Variants in MS4A8 observed in about 807,000 individuals in gnomAD.
MS4A8 encodes the protein membrane-spanning 4-domains subfamily A member 8.
Under a neutral mutation model 23.7 loss-of-function variants are expected in MS4A8, and 27 were observed. The ratio of observed to expected loss-of-function variants is 1.14; its 90% CI spans 0.84 to 1.57. The LOEUF is 1.57. Among genes scored for constraint, MS4A8 ranks in the 40% most tolerant of loss-of-function variants. The pLI is 0.00. For missense variants in MS4A8, 301 were observed against 311.4 expected, an observed-to-expected ratio of 0.97 and a Z score of 0.25; for synonymous variants, 138 against 126.3, an observed-to-expected ratio of 1.09 and a Z score of -0.62.
At position 60,701,133 on chromosome 11, in the gene MS4A8, G is replaced by A. The variant is rs1051879342; in HGVS notation, c.219+54G>A. The A allele has an allele frequency of 3.9e-6, 6 of 1,534,434 alleles. No homozygotes were observed. In the Admixed American group the frequency reaches 5.2e-5, roughly 13 times the overall value. ...AGACTGCACAGCTGGAGTGATGGCAGGGGGAAGGGAAGGCCTGGGAAATAC... is the reference window on the plus strand; with the variant it reads ...AGACTGCACAGCTGGAGTGATGGCAAGGGGAAGGGAAGGCCTGGGAAATAC... On this transcript the variant is annotated intron_variant, in intron 2 of 6. Transcript: ENST00000300226.
At chr11:60,701,391 C>T in intron 2 of MS4A8, 1 of 495,652 alleles carries the variant, frequency 2.0e-6, no homozygotes, top group South Asian at 1.6e-5. Flanking sequence ...AAAGGGGTCC[C>T]AGCAAGACCA....
intron 2 of MS4A8, chr11:60,701,373 C>T: frequency 1.9e-6 from 1 of 529,794 alleles, no homozygotes; most frequent in Non-Finnish European, 3.6e-6. Flanking sequence ...GCCCTGTGGC[C>T]TCTGAAGAAA....
intron 5 of MS4A8, among the ~76,000 whole-genome samples, chr11:60,709,760 AT>A (rs1565053151): frequency 6.6e-6 from 1 of 152,086 alleles, no homozygotes; most frequent in Non-Finnish European, 1.5e-5. Flanking sequence ...TCTCCTCTAC[AT>A]CATCAGTCTT....
Position 60,706,985 on chromosome 11 carries a change from C to G in MS4A8, c.343-3C>G. 1 of 1,613,984 alleles carries G rather than the reference C, an allele frequency of 6.2e-7. No homozygotes were observed. The highest frequency in any genetic ancestry group is 8.5e-7 in the Non-Finnish European group (1 of 1,179,866). ...TTTCTAAACCCACTCTGTTCTGTAC[C>G]AGTTTATCATTTCAGGATCTCTCTC... is the stretch of plus-strand genomic sequence containing the variant. On this transcript the variant is annotated splice_region_variant and splice_polypyrimidine_tract_variant and intron_variant, in intron 3 of 6. Transcript: ENST00000300226.
At position 60,706,979 on chromosome 11, in the gene MS4A8, C is replaced by G. The variant is rs765526977; in HGVS notation, c.343-9C>G. On this transcript the variant is annotated splice_polypyrimidine_tract_variant and intron_variant, in intron 3 of 6. Transcript: ENST00000300226. The stretch of plus-strand genomic sequence containing the variant: ...GACCTCTTTCTAAACCCACTCTGTT[C>G]TGTACCAGTTTATCATTTCAGGATC... 1.2e-6 allele frequency: 2 copies of G among 1,613,816 alleles called. No individual in the cohort carries two copies. The highest frequency in any genetic ancestry group is 1.7e-6 in the Non-Finnish European group (2 of 1,179,820).
chr11:60,708,394 G>T (rs1283951790), intron 4 of MS4A8, among the ~76,000 whole-genome samples: 1 of 152,086 alleles, frequency 6.6e-6, no homozygotes, highest in East Asian at 1.9e-4. Flanking sequence ...AGGGTTCCTG[G>T]GATTCACATT....
intron 5 of MS4A8, among the ~76,000 whole-genome samples, chr11:60,710,816 C>A (rs929605608): frequency 6.6e-6 from 1 of 152,200 alleles, no homozygotes; most frequent in Non-Finnish European, 1.5e-5. Flanking sequence ...TGCTGAACCA[C>A]GGGAACCTCC....
chr11:60,701,086 G>A lies in MS4A8; in HGVS notation c.219+7G>A, dbSNP rs369148075. 302 of 1,613,246 alleles carry A rather than the reference G, an allele frequency of 1.9e-4. No individual in the cohort carries two copies. The African/African-American group carries it at 3.4e-3, about 18-fold the overall frequency. On this transcript the variant is annotated splice_region_variant and intron_variant, in intron 2 of 6. Transcript: ENST00000300226. ...AGAAGGCAAAACCTTGGGGGTAAGT[G>A]AGATTTCCCTTTGCAGGCCACAGAC...
At chr11:60,706,571 T>C (rs967104278) in intron 3 of MS4A8, among the ~76,000 whole-genome samples, 1 of 152,194 alleles carries the variant, frequency 6.6e-6, no homozygotes, top group African/African-American at 2.4e-5. Flanking sequence ...TAGGGTGTAC[T>C]TGTGGGAAAA....
chr11:60,705,040 G>C, intron 3 of MS4A8, among the ~76,000 whole-genome samples: 1 of 152,044 alleles, frequency 6.6e-6, no homozygotes, highest in East Asian at 1.9e-4. Flanking sequence ...GAGTAACCTA[G>C]GTGCCAGCCC....
intron 5 of MS4A8, among the ~76,000 whole-genome samples, chr11:60,714,718 C>T (rs1340150429): frequency 6.6e-6 from 1 of 152,102 alleles, no homozygotes; most frequent in Non-Finnish European, 1.5e-5. Flanking sequence ...GTCACTGCTC[C>T]CCTCTCTGAC....
At chr11:60,707,786 G>C (rs1052179856) in intron 4 of MS4A8, among the ~76,000 whole-genome samples, 2 of 148,128 alleles carry the variant, frequency 1.4e-5, no homozygotes, top group African/African-American at 2.5e-5. Context: ...GTTTCCCAGA[G>C]ATTATTCTTT....
At position 60,703,521 on chromosome 11, in the gene MS4A8, T is replaced by C. The variant is rs529859196; in HGVS notation, c.342+21T>C. ...TGTGGGTGAGTAACTCAAGTCCTCC[T>C]GCCGATGAGCTCCCAGAAGGTGCCA... is the stretch of plus-strand genomic sequence containing the variant. On this transcript the variant is annotated intron_variant, in intron 3 of 6. Transcript: ENST00000300226. 15 of 1,604,960 alleles carry C rather than the reference T, an allele frequency of 9.3e-6. No homozygotes were observed. The South Asian group carries it at 1.7e-4, about 18-fold the overall frequency.
At chr11:60,706,005 G>T (rs549647697) in intron 3 of MS4A8, among the ~76,000 whole-genome samples, 1 of 152,298 alleles carries the variant, frequency 6.6e-6, no homozygotes, top group African/African-American at 2.4e-5. Flanking sequence ...TTCATCTGTT[G>T]GGGGGAGGGC....
At chr11:60,701,294 A>G (rs1452548952) in intron 2 of MS4A8, 2 of 672,006 alleles carry the variant, frequency 3.0e-6, no homozygotes, top group Admixed American at 2.0e-5. Flanking sequence ...GCATTTTCGG[A>G]AAGAGAAAGA....
intron 3 of MS4A8, 31 bp downstream of exon 3, chr11:60,703,531 C>T (rs2134654887): frequency 1.9e-6 from 3 of 1,602,912 alleles, no homozygotes. Flanking sequence ...TGCCGATGAG[C>T]TCCCAGAAGG....
intron 5 of MS4A8, among the ~76,000 whole-genome samples, chr11:60,709,397 A>C (rs1397118121): frequency 3.3e-5 from 5 of 151,306 alleles, no homozygotes; most frequent in African/African-American, 1.2e-4. Context: ...AAAGAGAGAG[A>C]GAGTGAAAGC....
At chr11:60,707,771 CAAGT>C (rs2088268711) in intron 4 of MS4A8, among the ~76,000 whole-genome samples, 1 of 149,598 alleles carries the variant, frequency 6.7e-6, no homozygotes, top group African/African-American at 2.5e-5. Flanking sequence ...ACAAATAGGT[CAAGT>C]GTTTCCCAGA....
In MS4A8 at chr11:60,700,881, AG is replaced by A. The variant is rs1565050369; in HGVS notation, c.22del (p.Val8PhefsTer18). On this transcript the variant is annotated frameshift_variant, in exon 2 of 7. Coordinates refer to ENST00000300226, the MANE Select transcript of MS4A8 (RefSeq NM_031457.2). LOFTEE classifies it high-confidence loss of function. MNSMTSAVPVANSVLVVA... is the reference protein window; with the variant it reads MNSMTSAXPVANSVLVVA... The stretch of plus-strand genomic sequence containing the variant: ...GCAGCATGAATTCGATGACTTCAGC[AG>A]TTCCGGTGGCCAATTCTGTGTTGGT... 1.2e-6 allele frequency: 2 copies of A among 1,614,098 alleles called. No individual in the cohort carries two copies. Among genetic ancestry groups the A allele is most frequent in the Admixed American group, 3.3e-5 (2 of 60,004 alleles).
Sources: gnomAD v4.1 joint callset for allele counts (sites outside exome capture counted in the v4.1 genomes callset) on GRCh38, gnomAD v4.1.1 for gene constraint, MANE v1.5 for transcripts, NCBI Gene and HGNC (gene_info 2026-07-23, HGNC 2026-07-21) for gene names.